Variants in RYR3 observed in about 807,000 individuals in gnomAD.
The protein encoded by RYR3 is brain ryanodine receptor-calcium release channel.
RYR3 carries 207 observed loss-of-function variants against 584.3 expected under a neutral mutation model. That is an observed-to-expected ratio of 0.35 (90% confidence interval 0.32 to 0.40). The LOEUF (loss-of-function observed/expected upper bound fraction) is 0.40. RYR3 is among the 10% of genes least tolerant of loss of function. The pLI is 1.00. For missense variants in RYR3, 5,616 were observed against 6,089.2 expected, an observed-to-expected ratio of 0.92 and a Z score of 2.59; for synonymous variants, 2,416 against 2,248.5, an observed-to-expected ratio of 1.07 and a Z score of -2.11.
intron 58 of RYR3, among the ~76,000 whole-genome samples, chr15:33,755,926 C>A (rs559352202): frequency 6.6e-6 from 1 of 152,072 alleles, no homozygotes; most frequent in South Asian, 2.1e-4. Flanking sequence ...CCCACCACCA[C>A]GCCTGCCTGG....
intron 1 of RYR3, among the ~76,000 whole-genome samples, chr15:33,435,457 ATATGTG>A (rs2045602912): frequency 6.6e-6 from 1 of 152,120 alleles, no homozygotes; most frequent in Non-Finnish European, 1.5e-5. Context: ...GGGGCTCTGG[ATATGTG>A]TATGTGTGTG....
intron 72 of RYR3, among the ~76,000 whole-genome samples, chr15:33,811,621 T>TTACAAAGAGGATACAAAGAGGA (rs56244271): frequency 6.6e-6 from 1 of 151,306 alleles, no homozygotes; most frequent in Admixed American, 6.6e-5. Flanking sequence ...ACAAAGAGGA[T>TTACAAAGAGGATACAAAGAGGA]TACAAAGAGG....
At chr15:33,715,856 A>G (rs2152800433) in intron 43 of RYR3, among the ~76,000 whole-genome samples, 1 of 152,302 alleles carries the variant, frequency 6.6e-6, no homozygotes, top group South Asian at 2.1e-4. Flanking sequence ...AGAGATCCTT[A>G]TAACTTAATC....
chr15:33,819,692 A>AAAT (rs1466553245), intron 76 of RYR3, 64 bp from the exon 77 acceptor site: 1 of 610,850 alleles, frequency 1.6e-6, no homozygotes, highest in Non-Finnish European at 2.3e-6. Flanking sequence ...ATAAATAAAT[A>AAAT]AATAAATAAA....
chr15:33,834,853 T>C, intron 86 of RYR3, 115 bp from the exon 87 acceptor site: 1 of 641,688 alleles, frequency 1.6e-6, no homozygotes, highest in Non-Finnish European at 2.7e-6. Context: ...TATGAAATAT[T>C]TGACTTTTGG....
chr15:33,542,293 G>T (rs1337116752), intron 7 of RYR3, among the ~76,000 whole-genome samples: 2 of 152,106 alleles, frequency 1.3e-5, no homozygotes, highest in Non-Finnish European at 2.9e-5. Flanking sequence ...CTCTGTGTGA[G>T]TAGGATATTG....
At chr15:33,388,897 G>C (rs1029363032) in intron 1 of RYR3, among the ~76,000 whole-genome samples, 1 of 152,032 alleles carries the variant, frequency 6.6e-6, no homozygotes, top group African/African-American at 2.4e-5. Context: ...ATAGAACGGA[G>C]AATTAAGAAA....
intron 74 of RYR3, among the ~76,000 whole-genome samples, chr15:33,816,409 C>A (rs968806569): frequency 1.3e-5 from 2 of 152,152 alleles, no homozygotes. Context: ...TGAAAAGAAG[C>A]CACATTTTGG....
chr15:33,670,498 CAAAGGCCCACCCAAGCCAGA>C lies in RYR3; in HGVS notation c.5803_5822del (p.Lys1935GlufsTer50). ...AACTCTGTGCCTTGGTTTACAAAAT[CAAAGGCCCACCCAAGCCAGA>C]GAAGGAGCAGCCGACGGAGGAGGAG... On this transcript the variant is annotated frameshift_variant, in exon 38 of 104. Coordinates refer to ENST00000634891, the MANE Select transcript of RYR3 (RefSeq NM_001036.6). LOFTEE classifies it high-confidence loss of function. 1.9e-6 allele frequency: 3 copies of C among 1,608,958 alleles called. No individual in the cohort carries two copies. Among genetic ancestry groups the C allele is most frequent in the Non-Finnish European group, 2.5e-6 (3 of 1,178,478 alleles).
chr15:33,725,281 C>T (rs572833231), intron 45 of RYR3, among the ~76,000 whole-genome samples: 1 of 152,104 alleles, frequency 6.6e-6, no homozygotes, highest in African/African-American at 2.4e-5. Context: ...TCATCACCAA[C>T]CACCTCTTCT....
chr15:33,825,743 T>C, intron 82 of RYR3, 67 bp downstream of exon 82: 1 of 529,556 alleles, frequency 1.9e-6, no homozygotes. Context: ...TTTTTTTTTT[T>C]TTTCCCCATA....
intron 18 of RYR3, among the ~76,000 whole-genome samples, chr15:33,612,805 C>T (rs1255381603): frequency 6.6e-6 from 1 of 152,184 alleles, no homozygotes; most frequent in East Asian, 1.9e-4. Flanking sequence ...ACACACACAC[C>T]AGCTACTTCT....
chr15:33,473,801 G>A (rs1202247678), intron 2 of RYR3, among the ~76,000 whole-genome samples: 5 of 152,200 alleles, frequency 3.3e-5, no homozygotes, highest in African/African-American at 7.2e-5. Context: ...TGAGCTCACT[G>A]TCAGTGCTGA....
chr15:33,617,337 G>T (rs1465464229), intron 19 of RYR3, among the ~76,000 whole-genome samples: 1 of 152,046 alleles, frequency 6.6e-6, no homozygotes, highest in African/African-American at 2.4e-5. Context: ...GCGTGAACCT[G>T]GGAGGCGGAG....
chr15:33,517,250 C>T (rs544748485), intron 3 of RYR3, among the ~76,000 whole-genome samples: 3 of 152,342 alleles, frequency 2.0e-5, no homozygotes, highest in South Asian at 4.1e-4. Flanking sequence ...ACCTTGGCCT[C>T]CCAGAATGCT....
chr15:33,472,315 A>G (rs1452159787), intron 1 of RYR3, among the ~76,000 whole-genome samples: 1 of 152,116 alleles, frequency 6.6e-6, no homozygotes, highest in African/African-American at 2.4e-5. Context: ...GGACCATTTT[A>G]TTTTCTTCAC....
chr15:33,568,049 T>A (rs1041890271), intron 12 of RYR3, among the ~76,000 whole-genome samples: 4 of 152,210 alleles, frequency 2.6e-5, no homozygotes, highest in African/African-American at 4.8e-5. Flanking sequence ...TGAGAACTGC[T>A]ATCCTGGGAT....
chr15:33,605,904 G>A (rs2059881907), intron 18 of RYR3, among the ~76,000 whole-genome samples: 1 of 152,148 alleles, frequency 6.6e-6, no homozygotes. Flanking sequence ...AAGTGGTCGT[G>A]ATAAATTATT....
At chr15:33,500,559 T>C (rs2142706402) in intron 2 of RYR3, among the ~76,000 whole-genome samples, 1 of 152,272 alleles carries the variant, frequency 6.6e-6, no homozygotes, top group Admixed American at 6.5e-5. Context: ...TTTGGAAATG[T>C]AGTGCTTCTC....
Sources: gnomAD v4.1 joint callset for allele counts (sites outside exome capture counted in the v4.1 genomes callset) on GRCh38, gnomAD v4.1.1 for gene constraint, MANE v1.5 for transcripts, NCBI Gene and HGNC (gene_info 2026-07-23, HGNC 2026-07-21) for gene names.